The following DNAJC1 variants were observed in gnomAD, a reference collection of about 807,000 sequenced individuals.
DNAJC1 encodes the protein dnaJ homolog subfamily C member 1.
DNAJC1 carries 58 observed loss-of-function variants against 76.6 expected under a neutral mutation model. That is an observed-to-expected ratio of 0.76 (90% CI 0.61 to 0.94). The LOEUF is 0.94. DNAJC1 is among the 40% of genes least tolerant of loss of function. The probability of loss-of-function intolerance (pLI) is 0.00; values close to 1 mark genes in which losing one functional copy is unlikely to be tolerated. For missense variants in DNAJC1, 689 were observed against 677.3 expected, an observed-to-expected ratio of 1.02 and a Z score of -0.19; for synonymous variants, 258 against 267.9, an observed-to-expected ratio of 0.96 and a Z score of 0.36.
At chr10:21,964,870 G>T (rs1164909194) in intron 1 of DNAJC1, among the ~76,000 whole-genome samples, 1 of 151,870 alleles carries the variant, frequency 6.6e-6, no homozygotes, top group Non-Finnish European at 1.5e-5. Flanking sequence ...TTTCTTCACT[G>T]CTGCTATGGA....
chr10:21,950,136 C>T (rs756433177), intron 1 of DNAJC1, among the ~76,000 whole-genome samples: 8 of 151,860 alleles, frequency 5.3e-5, no homozygotes, highest in South Asian at 4.2e-4. Context: ...CTACATGTTG[C>T]GGCTATTGTA....
chr10:21,846,711 AACACTATAT>A (rs1564806587), intron 8 of DNAJC1, among the ~76,000 whole-genome samples: 2 of 152,154 alleles, frequency 1.3e-5, no homozygotes, highest in African/African-American at 4.8e-5. Flanking sequence ...GTTAGGATTA[AACACTATAT>A]CCCAAGTATC....
intron 8 of DNAJC1, 64 bp from the exon 9 acceptor site, chr10:21,806,163 A>AT (rs1233316640): frequency 6.6e-7 from 1 of 1,509,002 alleles, no homozygotes; most frequent in Non-Finnish European, 8.9e-7. Flanking sequence ...AATTGGAAGA[A>AT]TAAAAAAAGA....
chr10:21,888,336 A>G (rs376831701), intron 7 of DNAJC1, among the ~76,000 whole-genome samples: 15 of 152,198 alleles, frequency 9.9e-5, no homozygotes, highest in African/African-American at 3.6e-4. Context: ...GTGATTCCTC[A>G]AAGAGCTAAA....
chr10:21,886,979 T>C (rs1433174993), intron 7 of DNAJC1, among the ~76,000 whole-genome samples: 2 of 152,174 alleles, frequency 1.3e-5, no homozygotes, highest in Non-Finnish European at 2.9e-5. Flanking sequence ...CATGATTCTA[T>C]ATCTAGAAAA....
chr10:21,916,366 G>A (rs952572868), intron 6 of DNAJC1, among the ~76,000 whole-genome samples: 3 of 152,112 alleles, frequency 2.0e-5, no homozygotes, highest in Non-Finnish European at 4.4e-5. Flanking sequence ...GCGGGCGCCT[G>A]TAGTCCCAGC....
Position 21,780,453 on chromosome 10 carries a change from A to G in DNAJC1, c.1099-14144T>C, listed in dbSNP as rs530252565. ...GGGGGCCAATATTCAACATTCTTAA[A>G]GAAAAGAATTTTCAACCCAGAATTT... On this transcript the variant is annotated intron_variant, in intron 9 of 11. Transcript: ENST00000376980. 3.4e-3 allele frequency among the ~76,000 whole-genome samples: 512 copies of G among 152,344 alleles called. 2 individuals are homozygous for G. Among genetic ancestry groups the G allele is most frequent in the African/African-American group, 0.012 (492 of 41,586 alleles).
At chr10:21,771,243 A>G (rs1237081381) in intron 9 of DNAJC1, among the ~76,000 whole-genome samples, 2 of 152,160 alleles carry the variant, frequency 1.3e-5, no homozygotes, top group African/African-American at 4.8e-5. Flanking sequence ...CTGCAAATAG[A>G]TAATTTTACT....
At chr10:21,830,959 C>A (rs1448987470) in intron 8 of DNAJC1, among the ~76,000 whole-genome samples, 1 of 152,096 alleles carries the variant, frequency 6.6e-6, no homozygotes, top group Non-Finnish European at 1.5e-5. Flanking sequence ...TCTCTTTAAT[C>A]ATTATAGAAA....
At position 21,918,917 on chromosome 10, in the gene DNAJC1, T is replaced by C. The variant is rs368727529; in HGVS notation, c.636-45A>G. ...AGAACACCATACAACATATGAGGAA[T>C]ATACAGAGAAAGTTGGGAGGCAAAA... On this transcript the variant is annotated intron_variant, in intron 5 of 11. Transcript: ENST00000376980. The C allele has an allele frequency of 2.7e-5, 37 of 1,385,282 alleles. No individual in the cohort carries two copies. In the African/African-American group the frequency reaches 4.7e-4, roughly 18 times the overall value. The allele number at this position is 1,385,282 out of a possible 1,614,324, so 85.8% of individuals were successfully genotyped here.
chr10:21,954,783 A>C (rs986694463), intron 1 of DNAJC1, among the ~76,000 whole-genome samples: 4 of 152,194 alleles, frequency 2.6e-5, no homozygotes, highest in African/African-American at 9.6e-5. Flanking sequence ...ACAGCCTCTC[A>C]ACAACCCTGT....
chr10:21,831,287 A>C (rs922537147), intron 8 of DNAJC1, among the ~76,000 whole-genome samples: 5 of 152,244 alleles, frequency 3.3e-5, no homozygotes, highest in Middle Eastern at 3.4e-3. Flanking sequence ...AGCAGGCTAG[A>C]GGCTCAGTTC....
intron 1 of DNAJC1, among the ~76,000 whole-genome samples, chr10:21,951,306 C>T (rs1043369833): frequency 1.1e-4 from 16 of 150,002 alleles, no homozygotes; most frequent in Non-Finnish European, 2.1e-4. Context: ...GGTGACAGAG[C>T]GAGATCCATC....
rs184738699 is a variant in DNAJC1 at position 21,854,834 on chromosome 10, T to C, written c.978+27448A>G. 2.0e-4 allele frequency among the ~76,000 whole-genome samples: 31 copies of C among 152,296 alleles called. No individual in the cohort carries two copies. In the East Asian group the frequency reaches 4.8e-3, roughly 24 times the overall value. The stretch of plus-strand genomic sequence containing the variant: ...GTTTTAAAAATTGATTGTAAACTGT[T>C]TTTATTGTAGAAAATTTCTAAGAAA... On this transcript the variant is annotated intron_variant, in intron 8 of 11. Transcript: ENST00000376980.
intron 8 of DNAJC1, among the ~76,000 whole-genome samples, chr10:21,851,357 T>C (rs775934181): frequency 3.3e-5 from 5 of 152,060 alleles, no homozygotes; most frequent in Non-Finnish European, 4.4e-5. Flanking sequence ...CCAAAAAACA[T>C]GTGAAAAGAT....
chr10:21,986,764 G>A (rs963449628), intron 1 of DNAJC1, among the ~76,000 whole-genome samples: 5 of 150,194 alleles, frequency 3.3e-5, no homozygotes, highest in Admixed American at 6.6e-5. Context: ...GAAATTTTTT[G>A]TTTTTTTTGT....
intron 8 of DNAJC1, among the ~76,000 whole-genome samples, chr10:21,820,850 C>A (rs545636880): frequency 3.4e-4 from 51 of 152,230 alleles, no homozygotes; most frequent in Non-Finnish European, 5.9e-4. Context: ...GGTGAAAAGA[C>A]GTTTAGAGTG....
At chr10:21,933,477 A>G (rs1207919801) in intron 1 of DNAJC1, 5 of 152,232 alleles carry the variant, frequency 3.3e-5, no homozygotes, top group African/African-American at 1.2e-4. Context: ...GGCCATGTGC[A>G]TGCCCAGGAC....
intron 9 of DNAJC1, among the ~76,000 whole-genome samples, chr10:21,769,507 A>G (rs537525591): frequency 6.6e-6 from 1 of 152,338 alleles, no homozygotes; most frequent in African/African-American, 2.4e-5. Flanking sequence ...TTTGCTCTCT[A>G]TCACTATAAC....
Sources: gnomAD v4.1 joint callset for allele counts (sites outside exome capture counted in the v4.1 genomes callset) on GRCh38, gnomAD v4.1.1 for gene constraint, MANE v1.5 for transcripts, NCBI Gene and HGNC (gene_info 2026-07-23, HGNC 2026-07-21) for gene names.